Variants in DGKB observed in about 807,000 individuals in gnomAD.
DGKB encodes the protein 90 kDa diacylglycerol kinase.
Under a neutral mutation model 114.3 loss-of-function variants are expected in DGKB, and 67 were observed. The observed-to-expected ratio is 0.59, with a 90% CI of 0.48 to 0.72. The LOEUF is 0.72. Among genes scored for constraint, DGKB ranks in the 30% least tolerant of loss-of-function variants. The pLI is 0.00. For synonymous variants in DGKB, 398 were observed against 323.1 expected, an observed-to-expected ratio of 1.23 and a Z score of -2.49; for missense variants, 907 against 975.2, an observed-to-expected ratio of 0.93 and a Z score of 0.93.
chr7:14,733,917 T>C (rs960887164), intron 5 of DGKB, among the ~76,000 whole-genome samples: 20 of 152,164 alleles, frequency 1.3e-4, no homozygotes, highest in African/African-American at 4.8e-5. Context: ...TTCATCATAT[T>C]GTCTAAGTTT....
chr7:14,500,506 A>T lies in DGKB; in HGVS notation c.1771-22281T>A, dbSNP rs1047517362. Among the ~76,000 whole-genome samples, 2 of 151,788 alleles carry T rather than the reference A, an allele frequency of 1.3e-5. 1 individual carries two copies. Among genetic ancestry groups the T allele is most frequent in the East Asian group, 3.9e-4 (2 of 5,170 alleles). ...TTTTTGCTATCATCTTTCCTAAAAT[A>T]GTACAATCAAGAGTACAAGTTTATT... On this transcript the variant is annotated intron_variant, in intron 20 of 25. Transcript: ENST00000402815.
At chr7:14,238,536 G>C (rs1793159019) in intron 23 of DGKB, among the ~76,000 whole-genome samples, 1 of 151,872 alleles carries the variant, frequency 6.6e-6, no homozygotes. Flanking sequence ...GCTACATTTT[G>C]GGCTTAACAA....
chr7:14,479,179 T>A (rs1303900116), intron 20 of DGKB, among the ~76,000 whole-genome samples: 1 of 152,008 alleles, frequency 6.6e-6, no homozygotes, highest in East Asian at 1.9e-4. Flanking sequence ...TGTTTCAAAG[T>A]GGAGATAAAA....
chr7:14,213,822 A>T (rs1489416400), intron 23 of DGKB, among the ~76,000 whole-genome samples: 2 of 152,194 alleles, frequency 1.3e-5, no homozygotes, highest in African/African-American at 4.8e-5. Flanking sequence ...TCATCATACA[A>T]GTCTGAACAA....
chr7:14,446,011 A>G (rs1268744791), intron 21 of DGKB, among the ~76,000 whole-genome samples: 9 of 152,246 alleles, frequency 5.9e-5, no homozygotes, highest in South Asian at 2.1e-4. Context: ...AATTTATAAC[A>G]TAAGGAAAAC....
intron 23 of DGKB, among the ~76,000 whole-genome samples, chr7:14,329,429 A>G (rs1809320146): frequency 6.6e-6 from 1 of 152,038 alleles, no homozygotes; most frequent in Admixed American, 6.6e-5. Context: ...ACGAAATGGT[A>G]CAATTGAAGT....
rs193005336 is a variant in DGKB at position 14,827,530 on chromosome 7, G to A, written c.70+13664C>T. On this transcript the variant is annotated intron_variant, in intron 2 of 25. Transcript: ENST00000402815. ...ATGGAAGAAACTACTCTTTGAAAAT[G>A]CTGTTTCTACTCCAAAGTCATAACT... is the stretch of plus-strand genomic sequence containing the variant. Among the ~76,000 whole-genome samples the A allele has an allele frequency of 2.6e-5, 4 of 152,152 alleles. No individual in the cohort carries two copies. The East Asian group carries it at 7.8e-4, about 30-fold the overall frequency.
intron 23 of DGKB, among the ~76,000 whole-genome samples, chr7:14,304,087 A>ACACTCTCT (rs140836395): frequency 0.092 from 10,101 of 109,894 alleles, 580 homozygotes; most frequent in Non-Finnish European, 0.12. Context: ...ACACACACAC[A>ACACTCTCT]CTCTCTCTCT....
intron 21 of DGKB, among the ~76,000 whole-genome samples, chr7:14,462,917 T>C (rs1833297932): frequency 6.6e-6 from 1 of 151,904 alleles, no homozygotes; most frequent in Non-Finnish European, 1.5e-5. Flanking sequence ...GAACAGAACA[T>C]AGGCCTCAGG....
chr7:14,453,877 C>A (rs1584058255), intron 21 of DGKB, among the ~76,000 whole-genome samples: 1 of 152,130 alleles, frequency 6.6e-6, no homozygotes. Flanking sequence ...GCATATGGGC[C>A]ATAGTTTGCT....
At chr7:14,956,293 T>A (rs1178160103) in intron 1 of DGKB, among the ~76,000 whole-genome samples, 1 of 151,998 alleles carries the variant, frequency 6.6e-6, no homozygotes, top group East Asian at 1.9e-4. Context: ...CCAGAATGAA[T>A]CTTGCCCCTA....
chr7:14,338,377 TG>T (rs1451022260), intron 23 of DGKB, 137 bp downstream of exon 23: 2 of 482,736 alleles, frequency 4.1e-6, no homozygotes, highest in African/African-American at 2.0e-5. Context: ...TAATCACACA[TG>T]GGTATCCCAT....
chr7:14,348,997 T>C (rs1332193464), intron 21 of DGKB, among the ~76,000 whole-genome samples: 2 of 151,946 alleles, frequency 1.3e-5, no homozygotes, highest in East Asian at 3.9e-4. Context: ...CTGACAGAAG[T>C]TTATTAGCAG....
At chr7:14,962,640 G>T (rs1197683312) in intron 1 of DGKB, among the ~76,000 whole-genome samples, 3 of 135,604 alleles carry the variant, frequency 2.2e-5, no homozygotes, top group African/African-American at 1.1e-4. Context: ...GTGTGTTTGT[G>T]TGTGTGTGTG....
chr7:14,294,736 C>T (rs778283573), intron 23 of DGKB, among the ~76,000 whole-genome samples: 8 of 152,118 alleles, frequency 5.3e-5, no homozygotes, highest in Non-Finnish European at 1.2e-4. Flanking sequence ...TATCTGACCA[C>T]TCAAAGATTA....
At chr7:14,343,346 A>G (rs1811938183) in intron 22 of DGKB, among the ~76,000 whole-genome samples, 1 of 151,898 alleles carries the variant, frequency 6.6e-6, no homozygotes, top group Non-Finnish European at 1.5e-5. Flanking sequence ...TCCAAGAAAC[A>G]TAACTTAGTT....
chr7:14,753,505 C>A (rs1586232109), intron 4 of DGKB, among the ~76,000 whole-genome samples: 1 of 69,636 alleles, frequency 1.4e-5, no homozygotes, highest in African/African-American at 3.5e-4. Context: ...GCACTGTAGA[C>A]AAAACAAAAC....
chr7:14,382,681 G>A (rs983517605), intron 21 of DGKB, among the ~76,000 whole-genome samples: 3 of 152,172 alleles, frequency 2.0e-5, no homozygotes, highest in Non-Finnish European at 2.9e-5. Context: ...TAAGAGAGAA[G>A]TATTTATGAT....
chr7:14,530,797 G>T (rs1340065064), intron 20 of DGKB, among the ~76,000 whole-genome samples: 1 of 151,450 alleles, frequency 6.6e-6, no homozygotes, highest in South Asian at 2.1e-4. Context: ...CGTTGTTCTT[G>T]TATAGAATGT....
Sources: allele counts gnomAD v4.1 joint callset (sites outside exome capture counted in the v4.1 genomes callset), GRCh38; gene constraint gnomAD v4.1.1; transcripts MANE v1.5; gene names NCBI Gene and HGNC (gene_info 2026-07-23, HGNC 2026-07-21).